RPRD1A: variants seen among roughly 807,000 people sequenced by gnomAD.
RPRD1A encodes the protein regulation of nuclear pre-mRNA domain-containing protein 1A.
RPRD1A carries 9 observed loss-of-function variants against 37.8 expected under a neutral mutation model. The observed-to-expected ratio is 0.24, with a 90% CI of 0.14 to 0.42. The LOEUF is 0.42. Among genes scored for constraint, RPRD1A ranks in the 10% least tolerant of loss-of-function variants. The pLI is 1.00. For synonymous variants in RPRD1A, 138 were observed against 139.7 expected, an observed-to-expected ratio of 0.99 and a Z score of 0.08; for missense variants, 255 against 371.0, an observed-to-expected ratio of 0.69 and a Z score of 2.57.
At chr18:36,045,129 A>T (rs12953923) in intron 1 of RPRD1A, among the ~76,000 whole-genome samples, 13,406 of 152,016 alleles carry the variant, frequency 0.088, 797 homozygotes, top group Non-Finnish European at 0.12. Flanking sequence ...AATCCCTGCT[A>T]CTCGGGAGGC....
At chr18:36,012,138 G>A (rs1244604967) in intron 6 of RPRD1A, among the ~76,000 whole-genome samples, 1 of 152,152 alleles carries the variant, frequency 6.6e-6, no homozygotes, top group Non-Finnish European at 1.5e-5. Context: ...ATATACAACA[G>A]TGGTCCTGTA....
chr18:36,048,702 G>A (rs1030619319), intron 1 of RPRD1A, among the ~76,000 whole-genome samples: 9 of 150,984 alleles, frequency 6.0e-5, no homozygotes, highest in Admixed American at 1.3e-4. Context: ...GAGAAAGATC[G>A]AATGTTGATC....
chr18:36,016,944 T>C lies in RPRD1A; in HGVS notation c.789+9956A>G, dbSNP rs367817229. On this transcript the variant is annotated intron_variant, in intron 6 of 6. Transcript: ENST00000399022. The stretch of plus-strand genomic sequence containing the variant: ...AGGTATTCAATGGGTGATAAAAATT[T>C]TGGATGGTATCTGCATGTGCTTATC... Among the ~76,000 whole-genome samples, 80 of 152,254 alleles carry C rather than the reference T, an allele frequency of 5.3e-4. 1 individual carries two copies. The South Asian group carries it at 0.016, about 31-fold the overall frequency.
chr18:36,051,704 TATA>T, intron 1 of RPRD1A, among the ~76,000 whole-genome samples: 1 of 151,804 alleles, frequency 6.6e-6, no homozygotes, highest in South Asian at 2.1e-4. Context: ...AGATAAATGC[TATA>T]ATAACAACAG....
intron 1 of RPRD1A, among the ~76,000 whole-genome samples, chr18:36,048,242 T>A (rs1205928160): frequency 6.6e-6 from 1 of 152,044 alleles, no homozygotes; most frequent in African/African-American, 2.4e-5. Context: ...AATTTTGTAT[T>A]TTTAGTAGAG....
In RPRD1A at chr18:35,991,242, A is replaced by G. The variant is rs1479644660; in HGVS notation, c.*1909T>C. 1 of 152,238 alleles carries G rather than the reference A, an allele frequency of 6.6e-6. No homozygotes were observed. The highest frequency in any genetic ancestry group is 2.4e-5 in the African/African-American group (1 of 41,454). The allele number at this position is 152,238 out of a possible 1,614,324, so 9.4% of individuals were successfully genotyped here. On this transcript the variant is annotated 3_prime_UTR_variant, in exon 7 of 7. Coordinates refer to ENST00000399022, the MANE Select transcript of RPRD1A (RefSeq NM_018170.5). ...GTCAAGATATTGAAAATAAGTTAACATACAAGTTTTTGCTTTCACATTAAT... is the reference window on the plus strand; with the variant it reads ...GTCAAGATATTGAAAATAAGTTAACGTACAAGTTTTTGCTTTCACATTAAT...
At chr18:36,050,711 ATTT>A (rs143538995) in intron 1 of RPRD1A, among the ~76,000 whole-genome samples, 1 of 143,260 alleles carries the variant, frequency 7.0e-6, no homozygotes, top group Admixed American at 7.0e-5. Context: ...TAATTTTTGT[ATTT>A]TTTTTTTTTT....
intron 4 of RPRD1A, among the ~76,000 whole-genome samples, chr18:36,028,663 C>T (rs985426970): frequency 3.9e-5 from 6 of 152,126 alleles, no homozygotes; most frequent in Non-Finnish European, 8.8e-5. Context: ...TTGTCTGAAA[C>T]AATACTAAGC....
At chr18:36,006,783 C>T (rs1402479476) in intron 6 of RPRD1A, among the ~76,000 whole-genome samples, 3 of 152,142 alleles carry the variant, frequency 2.0e-5, no homozygotes, top group Non-Finnish European at 4.4e-5. Flanking sequence ...TAAAATCTAG[C>T]AGGCTAAGCC....
Position 36,067,348 on chromosome 18 carries a change from C to A in RPRD1A, c.57G>T (p.Ser19=), listed in dbSNP as rs199804044. The A allele has an allele frequency of 8.6e-5, 139 of 1,608,150 alleles. No homozygotes were observed. In the East Asian group the frequency reaches 2.9e-3, roughly 33 times the overall value. ...LEKKLSELSN[S]QQSVQTLSLW... ...GGGACAAGGTCTGCACGCTCTGCTG[C>A]GAGTTGCTCAACTCCGACAGCTTCT... Residue 19 remains serine, a synonymous_variant, in exon 1 of 7, where the codon TCG becomes TCT. Transcript: ENST00000399022.
At chr18:36,050,668 C>G (rs986222444) in intron 1 of RPRD1A, among the ~76,000 whole-genome samples, 15 of 151,808 alleles carry the variant, frequency 9.9e-5, no homozygotes, top group African/African-American at 3.6e-4. Flanking sequence ...TAGGGAGTAG[C>G]TGAAACTACA....
At chr18:36,058,931 A>C (rs1454050379) in intron 1 of RPRD1A, among the ~76,000 whole-genome samples, 2 of 152,232 alleles carry the variant, frequency 1.3e-5, no homozygotes, top group African/African-American at 4.8e-5. Flanking sequence ...ATTAAGAGAG[A>C]TCTTATAAAG....
At chr18:36,001,923 G>GT (rs980752179) in intron 6 of RPRD1A, among the ~76,000 whole-genome samples, 5 of 152,092 alleles carry the variant, frequency 3.3e-5, no homozygotes, top group Admixed American at 1.3e-4. Context: ...AAGTTGGTGG[G>GT]TTTTTTCTTT....
rs549314866 is a variant in RPRD1A at position 36,062,259 on chromosome 18, G to A, written c.151+4995C>T. Reference sequence around the variant, plus strand: ...GTGAACCCGGGAAGCGGAGCTTGCAGTGAGCCGAGATTGCGCCACTGCAGT... The same window carrying A: ...GTGAACCCGGGAAGCGGAGCTTGCAATGAGCCGAGATTGCGCCACTGCAGT... On this transcript the variant is annotated intron_variant, in intron 1 of 6. Transcript: ENST00000399022. 5.8e-4 allele frequency among the ~76,000 whole-genome samples: 86 copies of A among 147,418 alleles called. No individual in the cohort carries two copies. The East Asian group carries it at 0.016, about 28-fold the overall frequency.
chr18:36,009,648 T>C (rs1910047413), intron 6 of RPRD1A, among the ~76,000 whole-genome samples: 1 of 152,354 alleles, frequency 6.6e-6, no homozygotes, highest in East Asian at 1.9e-4. Context: ...CTCTATTTAC[T>C]TCATCAATAC....
At chr18:36,040,762 G>A (rs1002404752) in intron 1 of RPRD1A, 1 of 1,193,768 alleles carries the variant, frequency 8.4e-7, no homozygotes, top group African/African-American at 1.6e-5. Flanking sequence ...AAGCTTTTTA[G>A]GCAAGTGGTA....
intron 6 of RPRD1A, among the ~76,000 whole-genome samples, chr18:35,998,317 T>C (rs549370614): frequency 2.0e-5 from 3 of 152,026 alleles, no homozygotes; most frequent in Non-Finnish European, 4.4e-5. Flanking sequence ...GATTGCACCG[T>C]TGCACTCAAG....
At chr18:36,066,103 C>G (rs892759330) in intron 1 of RPRD1A, among the ~76,000 whole-genome samples, 2 of 152,220 alleles carry the variant, frequency 1.3e-5, no homozygotes, top group African/African-American at 4.8e-5. Context: ...TTTCCGTCCA[C>G]TCACAGAAGA....
At chr18:36,062,343 A>C (rs1490740936) in intron 1 of RPRD1A, among the ~76,000 whole-genome samples, 1 of 151,044 alleles carries the variant, frequency 6.6e-6, no homozygotes, top group Non-Finnish European at 1.5e-5. Flanking sequence ...AAAAAAAAAA[A>C]AAAAACATGT....
Sources: gnomAD v4.1 joint callset for allele counts (sites outside exome capture counted in the v4.1 genomes callset) on GRCh38, gnomAD v4.1.1 for gene constraint, MANE v1.5 for transcripts, NCBI Gene and HGNC (gene_info 2026-07-23, HGNC 2026-07-21) for gene names.